Variants in ZFAT observed in about 807,000 individuals in gnomAD.
The protein encoded by ZFAT is zinc finger protein ZFAT.
Under a neutral mutation model 117.7 loss-of-function variants are expected in ZFAT, and 64 were observed. The observed-to-expected ratio is 0.54, with a 90% CI of 0.44 to 0.67. ZFAT has a LOEUF of 0.67. Ranked by LOEUF, ZFAT falls within the 30% of genes least tolerant of loss-of-function variation. The probability of loss-of-function intolerance (pLI) is 0.00; values close to 1 mark genes in which losing one functional copy is unlikely to be tolerated. For missense variants in ZFAT, 1,433 were observed against 1,584.5 expected (o/e 0.90, Z 1.62); for synonymous variants, 679 against 615.0 (o/e 1.10, Z -1.54).
the ZFAT span, among the ~76,000 whole-genome samples, chr8:134,782,879 G>A: frequency 6.6e-6 from 1 of 152,022 alleles, no homozygotes; most frequent in Non-Finnish European, 1.5e-5. Flanking sequence ...AAACAAAAAT[G>A]AGACAAGTAA....
In ZFAT at chr8:134,693,512, A is replaced by G. The variant is rs75419956; in HGVS notation, c.19+19333T>C. 7.2e-4 allele frequency among the ~76,000 whole-genome samples: 109 copies of G among 151,544 alleles called. No individual in the cohort carries two copies. The East Asian group carries it at 0.015, about 20-fold the overall frequency. On this transcript the variant is annotated intron_variant, in intron 1 of 15. Coordinates refer to ENST00000377838, the MANE Select transcript of ZFAT (RefSeq NM_020863.4). Reference sequence around the variant, plus strand: ...AATAGTAACAATGTGAGGTGCGGCTATGTGAATTAGCTGACTGTAATAATC... The same window carrying G: ...AATAGTAACAATGTGAGGTGCGGCTGTGTGAATTAGCTGACTGTAATAATC...
At chr8:134,587,636 T>C (rs1423887829) in intron 9 of ZFAT, among the ~76,000 whole-genome samples, 1 of 152,172 alleles carries the variant, frequency 6.6e-6, no homozygotes, top group African/African-American at 2.4e-5. Context: ...GAAAACAAAG[T>C]TGACGGTCTG....
At chr8:134,524,074 G>A (rs2130495815) in intron 12 of ZFAT, among the ~76,000 whole-genome samples, 1 of 152,258 alleles carries the variant, frequency 6.6e-6, no homozygotes, top group South Asian at 2.1e-4. Context: ...ACTCTGTCTT[G>A]CGTCACTGAC....
At chr8:134,694,564 G>A (rs753546250) in intron 1 of ZFAT, among the ~76,000 whole-genome samples, 13 of 152,074 alleles carry the variant, frequency 8.5e-5, no homozygotes, top group Non-Finnish European at 1.6e-4. Context: ...ACATGCCTTC[G>A]GTATTTGAGC....
chr8:134,785,015 G>A, the ZFAT span: 1 of 152,200 alleles, frequency 6.6e-6, no homozygotes, highest in African/African-American at 2.4e-5. Flanking sequence ...TAAAAAGACA[G>A]ATGTTGAACT....
chr8:134,505,672 A>C (rs1819354016), intron 15 of ZFAT, among the ~76,000 whole-genome samples: 1 of 152,096 alleles, frequency 6.6e-6, no homozygotes. Flanking sequence ...GGCTCTGGGG[A>C]TGGAGGAAGG....
At chr8:134,740,656 C>T in the ZFAT span, among the ~76,000 whole-genome samples, 6 of 152,082 alleles carry the variant, frequency 3.9e-5, no homozygotes, top group South Asian at 2.1e-4. Context: ...GCACAAGGGC[C>T]GCTCACATGG....
At chr8:134,601,333 GGTCA>G in intron 6 of ZFAT, 140 bp downstream of exon 6, 3 of 1,242,694 alleles carry the variant, frequency 2.4e-6, no homozygotes, top group Middle Eastern at 2.9e-4. Flanking sequence ...GGCCACACAG[GGTCA>G]CCGTTCCTAT....
At chr8:134,691,573 G>C (rs1403860915) in intron 1 of ZFAT, among the ~76,000 whole-genome samples, 1 of 152,240 alleles carries the variant, frequency 6.6e-6, no homozygotes. Context: ...CTGGTTTTCA[G>C]ACTTTATTAA....
chr8:134,715,129 A>G (rs959739269), upstream of ZFAT, among the ~76,000 whole-genome samples: 9 of 152,190 alleles, frequency 5.9e-5, no homozygotes, highest in Non-Finnish European at 1.2e-4. Context: ...TGCCTTTCTC[A>G]CAGCAGCGTT....
intron 3 of ZFAT, among the ~76,000 whole-genome samples, chr8:134,633,890 C>T (rs1830043054): frequency 6.6e-6 from 1 of 152,040 alleles, no homozygotes; most frequent in African/African-American, 2.4e-5. Context: ...ACTAAAAATA[C>T]AAAAAATTAG....
chr8:134,614,081 G>A (rs975541429), intron 3 of ZFAT, among the ~76,000 whole-genome samples: 2 of 152,100 alleles, frequency 1.3e-5, no homozygotes, highest in South Asian at 4.2e-4. Flanking sequence ...GACCCTAGAG[G>A]AACTGTTTTA....
At chr8:134,666,165 AGAGGCCCAGTTGG>A (rs1832205855) in intron 1 of ZFAT, among the ~76,000 whole-genome samples, 1 of 152,196 alleles carries the variant, frequency 6.6e-6, no homozygotes, top group South Asian at 2.1e-4. Context: ...TATCAGCAGC[AGAGGCCCAGTTGG>A]GAGCCTGAAC....
intron 1 of ZFAT, among the ~76,000 whole-genome samples, chr8:134,708,990 TA>T (rs1813889418): frequency 6.6e-6 from 1 of 151,546 alleles, no homozygotes; most frequent in Admixed American, 6.6e-5. Flanking sequence ...ATGACTTATT[TA>T]AAAAAAATTA....
chr8:134,683,282 C>T (rs760775761), intron 1 of ZFAT, among the ~76,000 whole-genome samples: 16 of 152,292 alleles, frequency 1.1e-4, no homozygotes, highest in Admixed American at 2.0e-4. Context: ...GATTATCCCA[C>T]GTTACAGATG....
chr8:134,695,276 G>A (rs1314092336), intron 1 of ZFAT, among the ~76,000 whole-genome samples: 1 of 151,976 alleles, frequency 6.6e-6, no homozygotes, highest in Non-Finnish European at 1.5e-5. Flanking sequence ...TCCCAGTAGG[G>A]CCCCTGGCCA....
intron 1 of ZFAT, among the ~76,000 whole-genome samples, chr8:134,694,182 G>A (rs1347257320): frequency 2.0e-5 from 3 of 152,184 alleles, no homozygotes; most frequent in Non-Finnish European, 4.4e-5. Flanking sequence ...TAAAAAAGAC[G>A]CTGGAATGAG....
intron 15 of ZFAT, among the ~76,000 whole-genome samples, chr8:134,487,562 A>G (rs1436518364): frequency 6.6e-6 from 1 of 152,178 alleles, no homozygotes; most frequent in Non-Finnish European, 1.5e-5. Flanking sequence ...GTAACCTTCA[A>G]AAGAAAAGCC....
At chr8:134,796,024 G>C in the ZFAT span, 1 of 152,192 alleles carries the variant, frequency 6.6e-6, no homozygotes, top group Admixed American at 6.5e-5. Context: ...CGAGACAGCT[G>C]AACACATGAA....
Sources: gnomAD v4.1 joint callset for allele counts (sites outside exome capture counted in the v4.1 genomes callset) on GRCh38, gnomAD v4.1.1 for gene constraint, MANE v1.5 for transcripts, NCBI Gene and HGNC (gene_info 2026-07-23, HGNC 2026-07-21) for gene names.